Variants in SLC24A2 observed in about 807,000 individuals in gnomAD.
SLC24A2 encodes the protein sodium/potassium/calcium exchanger 2.
Under a neutral mutation model 62.0 loss-of-function variants are expected in SLC24A2, and 36 were observed. The ratio of observed to expected loss-of-function variants is 0.58; its 90% CI spans 0.44 to 0.77. The LOEUF (loss-of-function observed/expected upper bound fraction) is 0.77. SLC24A2 is among the 30% of genes least tolerant of loss of function. SLC24A2 has a pLI of 0.00. For synonymous variants in SLC24A2, 358 were observed against 294.0 expected (o/e 1.22, Z -2.23); for missense variants, 846 against 817.9 (o/e 1.03, Z -0.42).
rs570949785 is a variant in SLC24A2 at position 19,683,914 on chromosome 9, T to C, written c.931-61615A>G. Among the ~76,000 whole-genome samples, 3 of 152,240 alleles carry C rather than the reference T, an allele frequency of 2.0e-5. No homozygotes were observed. In the South Asian group the frequency reaches 6.2e-4, roughly 32 times the overall value. ...CTTACTTCCTGGCAGTTCCTCCCTG[T>C]GTCTGGCTTTTCACCATCTCCCCTC... On this transcript the variant is annotated intron_variant, in intron 2 of 10. Coordinates refer to ENST00000341998, the MANE Select transcript of SLC24A2 (RefSeq NM_020344.4).
the SLC24A2 span, among the ~76,000 whole-genome samples, chr9:20,166,999 C>T: frequency 1.4e-4 from 22 of 152,066 alleles, no homozygotes; most frequent in East Asian, 3.5e-3. Context: ...CACCACCACA[C>T]CCAGCTCTTT....
the SLC24A2 span, among the ~76,000 whole-genome samples, chr9:20,232,802 T>A: frequency 6.6e-6 from 1 of 152,334 alleles, no homozygotes; most frequent in East Asian, 1.9e-4. Flanking sequence ...TTTCTCGTTC[T>A]TTTAAGTGTG....
At chr9:19,534,930 C>CAG (rs1833884959) in intron 8 of SLC24A2, among the ~76,000 whole-genome samples, 1 of 152,152 alleles carries the variant, frequency 6.6e-6, no homozygotes, top group African/African-American at 2.4e-5. Context: ...TGAGGAATTG[C>CAG]CACACTGTCT....
chr9:20,163,854 C>T, the SLC24A2 span, among the ~76,000 whole-genome samples: 162 of 152,288 alleles, frequency 1.1e-3, 1 homozygote, highest in African/African-American at 3.8e-3. Context: ...TGATCTTTGA[C>T]AAACCTGACA....
chr9:20,142,333 C>T, the SLC24A2 span, among the ~76,000 whole-genome samples: 589 of 152,188 alleles, frequency 3.9e-3, 1 homozygote, highest in African/African-American at 0.012. Context: ...TCCTAAGCTA[C>T]TAGCAAATAA....
At chr9:19,964,336 T>G in the SLC24A2 span, among the ~76,000 whole-genome samples, 1 of 151,860 alleles carries the variant, frequency 6.6e-6, no homozygotes, top group African/African-American at 2.4e-5. Context: ...AACCTGCACA[T>G]TGTGCACATG....
chr9:19,916,202 C>T, the SLC24A2 span, among the ~76,000 whole-genome samples: 3 of 152,058 alleles, frequency 2.0e-5, no homozygotes, highest in South Asian at 2.1e-4. Context: ...CCTTGCAAAA[C>T]ATTTATTGAC....
At chr9:19,771,238 G>A (rs963746593) in intron 2 of SLC24A2, among the ~76,000 whole-genome samples, 1 of 152,178 alleles carries the variant, frequency 6.6e-6, no homozygotes, top group African/African-American at 2.4e-5. Context: ...TTCTGCACCA[G>A]GGAGGCATGT....
chr9:19,771,848 A>G (rs1282629295), intron 2 of SLC24A2, among the ~76,000 whole-genome samples: 5 of 152,314 alleles, frequency 3.3e-5, no homozygotes, highest in East Asian at 3.9e-4. Context: ...GCTTCATACA[A>G]TTACAAAGTG....
At chr9:20,053,780 G>C in the SLC24A2 span, among the ~76,000 whole-genome samples, 1 of 152,156 alleles carries the variant, frequency 6.6e-6, no homozygotes, top group South Asian at 2.1e-4. Flanking sequence ...GGACTTTCCA[G>C]CCTCTAGAAA....
At chr9:20,175,012 A>AT in the SLC24A2 span, among the ~76,000 whole-genome samples, 1 of 93,252 alleles carries the variant, frequency 1.1e-5, no homozygotes, top group African/African-American at 4.4e-5. Flanking sequence ...CAGTTTCTGA[A>AT]TTTTTTATAT....
At chr9:19,712,381 G>A (rs1820739903) in intron 2 of SLC24A2, among the ~76,000 whole-genome samples, 1 of 152,144 alleles carries the variant, frequency 6.6e-6, no homozygotes, top group African/African-American at 2.4e-5. Context: ...CTCCCATCAT[G>A]GTGCAAGATG....
the SLC24A2 span, among the ~76,000 whole-genome samples, chr9:20,143,008 G>C: frequency 1.3e-5 from 2 of 152,292 alleles, no homozygotes; most frequent in Middle Eastern, 3.4e-3. Flanking sequence ...AAACAGATAT[G>C]ACTATACACA....
the SLC24A2 span, among the ~76,000 whole-genome samples, chr9:19,900,551 C>G: frequency 6.6e-6 from 1 of 152,308 alleles, no homozygotes; most frequent in South Asian, 2.1e-4. Context: ...TTAACATTAT[C>G]TCTTATGAGT....
At chr9:19,771,655 C>A (rs913347904) in intron 2 of SLC24A2, among the ~76,000 whole-genome samples, 2 of 152,126 alleles carry the variant, frequency 1.3e-5, no homozygotes, top group African/African-American at 4.8e-5. Flanking sequence ...GTTTCCTGAG[C>A]CCCCTGGAAA....
intron 8 of SLC24A2, among the ~76,000 whole-genome samples, chr9:19,536,196 ATTTAT>A (rs1342145200): frequency 7.7e-6 from 1 of 129,784 alleles, no homozygotes. Flanking sequence ...TTAATTTTTT[ATTTAT>A]TTATTTTTTT....
Position 19,599,042 on chromosome 9 carries a change from C to T in SLC24A2, c.1079-1763G>A, listed in dbSNP as rs973721945. On this transcript the variant is annotated intron_variant, in intron 4 of 10. Coordinates refer to ENST00000341998, the MANE Select transcript of SLC24A2 (RefSeq NM_020344.4). This position sits in a 1 kb window ranked among gnomAD's most constrained non-coding sequence, Gnocchi z 4.5. ...TCTACACAGTGACAATACACCATTG[C>T]ATTTTTATGGATCCATTTTTGTAGA... Among the ~76,000 whole-genome samples the T allele has an allele frequency of 6.6e-6, 1 of 152,200 alleles. No homozygotes were observed. Among genetic ancestry groups the T allele is most frequent in the African/African-American group, 2.4e-5 (1 of 41,454 alleles).
chr9:20,163,204 G>T, the SLC24A2 span, among the ~76,000 whole-genome samples: 1 of 152,180 alleles, frequency 6.6e-6, no homozygotes, highest in African/African-American at 2.4e-5. Flanking sequence ...CCTGTTTGCA[G>T]ATGACATGAT....
the SLC24A2 span, among the ~76,000 whole-genome samples, chr9:19,798,660 C>T: frequency 2.0e-5 from 3 of 152,004 alleles, no homozygotes; most frequent in Non-Finnish European, 4.4e-5. Context: ...TCCACTGACT[C>T]TGTCACCTGG....
Sources: gnomAD v4.1 joint callset for allele counts (sites outside exome capture counted in the v4.1 genomes callset) on GRCh38, gnomAD v4.1.1 for gene constraint, Gnocchi (gnomAD v3.1) non-coding constraint, MANE v1.5 for transcripts, NCBI Gene and HGNC (gene_info 2026-07-23, HGNC 2026-07-21) for gene names.